The following NRXN3 variants were observed in gnomAD, a reference collection of about 807,000 sequenced individuals.
NRXN3 encodes neurexin III.
A neutral mutation model predicts 137.6 loss-of-function variants in NRXN3; 32 were observed. That is an observed-to-expected ratio of 0.23 (90% CI 0.18 to 0.31). NRXN3 has a LOEUF of 0.31. NRXN3 is among the 10% of genes least tolerant of loss of function. The pLI, the probability that NRXN3 is intolerant of heterozygous loss-of-function variation, is 1.00. For synonymous variants in NRXN3, 798 were observed against 784.5 expected, an observed-to-expected ratio of 1.02 and a Z score of -0.29; for missense variants, 1,574 against 2,062.5, an observed-to-expected ratio of 0.76 and a Z score of 4.59.
At chr14:79,272,781 CAT>C (rs1200168894) in intron 15 of NRXN3, among the ~76,000 whole-genome samples, 3 of 152,162 alleles carry the variant, frequency 2.0e-5, no homozygotes, top group East Asian at 1.9e-4. Flanking sequence ...TTATAAGAAA[CAT>C]GTGATGAAGT....
At chr14:79,780,081 C>A (rs2099109161) in intron 19 of NRXN3, among the ~76,000 whole-genome samples, 1 of 151,956 alleles carries the variant, frequency 6.6e-6, no homozygotes, top group Non-Finnish European at 1.5e-5. Context: ...ATAAGAGGAT[C>A]CACAATTCTA....
rs949417651 is a variant in NRXN3, at chr14:79,128,572, G to A, written c.3262+140431G>A. Among the ~76,000 whole-genome samples, 11 of 151,064 alleles carry A rather than the reference G, an allele frequency of 7.3e-5. No homozygotes were observed. The East Asian group carries it at 1.9e-3, about 27-fold the overall frequency. On this transcript the variant is annotated intron_variant, in intron 15 of 20. Transcript: ENST00000335750. ...AGCTTTTTGATGTGCTGCTGGATTC[G>A]GTTTGCCAGTATTTTATTGAGGATT...
At chr14:78,248,961 G>C (rs1337300936) in intron 2 of NRXN3, among the ~76,000 whole-genome samples, 1 of 152,184 alleles carries the variant, frequency 6.6e-6, no homozygotes, top group Non-Finnish European at 1.5e-5. Flanking sequence ...ATAGGGGTCT[G>C]ATTGCTCCTT....
chr14:78,820,613 T>C (rs938368784), intron 10 of NRXN3, among the ~76,000 whole-genome samples: 3 of 152,026 alleles, frequency 2.0e-5, no homozygotes, highest in Non-Finnish European at 4.4e-5. Flanking sequence ...GTTCAGAAAA[T>C]CATTGTCATC....
chr14:78,674,549 A>T (rs1345322198), intron 6 of NRXN3, among the ~76,000 whole-genome samples: 1 of 152,238 alleles, frequency 6.6e-6, no homozygotes, highest in East Asian at 1.9e-4. Flanking sequence ...GTGGGGAATA[A>T]CATTTCTTAC....
chr14:79,475,581 A>G (rs959890451), intron 16 of NRXN3, among the ~76,000 whole-genome samples: 1 of 152,110 alleles, frequency 6.6e-6, no homozygotes, highest in Non-Finnish European at 1.5e-5. Flanking sequence ...CGACAATTAC[A>G]AAAACAAGAA....
In NRXN3 at chr14:78,645,151, C is replaced by G. The variant is rs200404474; in HGVS notation, c.789C>G (p.Gly263=). 1 of 1,579,580 alleles carries G rather than the reference C, an allele frequency of 6.3e-7. No homozygotes were observed. The highest frequency in any genetic ancestry group is 8.5e-7 in the Non-Finnish European group (1 of 1,169,862). The part of the protein sequence containing the change: ...AREENVATFR[G]SEYLCYDLSQ... The stretch of plus-strand genomic sequence containing the variant: ...AGGAGAATGTGGCCACTTTCCGAGG[C>G]TCAGAGTATCTGTGCTACGACCTGT... The change falls in exon 5 of 21, where the codon GGC becomes GGG. Residue 263 remains glycine (G), a synonymous_variant. Coordinates refer to ENST00000335750, the MANE Select transcript of NRXN3 (RefSeq NM_001330195.2).
intron 19 of NRXN3, among the ~76,000 whole-genome samples, chr14:79,729,921 A>T (rs1359633392): frequency 6.6e-6 from 1 of 152,132 alleles, no homozygotes; most frequent in Admixed American, 6.6e-5. Flanking sequence ...CAAGCAAAAC[A>T]ATGGTATGAT....
intron 16 of NRXN3, among the ~76,000 whole-genome samples, chr14:79,514,918 A>G (rs1348769313): frequency 7.0e-6 from 1 of 142,034 alleles, no homozygotes; most frequent in African/African-American, 3.1e-5. Flanking sequence ...GCTAGGGTGC[A>G]GTAAGTTAAG....
chr14:79,376,579 AG>A (rs1187576081), intron 15 of NRXN3, among the ~76,000 whole-genome samples: 2 of 152,152 alleles, frequency 1.3e-5, no homozygotes, highest in Admixed American at 6.6e-5. Context: ...TTCCTGGCAT[AG>A]ATGATGTCAT....
At chr14:79,461,295 T>C (rs2153603584) in intron 15 of NRXN3, among the ~76,000 whole-genome samples, 1 of 152,324 alleles carries the variant, frequency 6.6e-6, no homozygotes, top group Admixed American at 6.5e-5. Context: ...TTAATCTCCT[T>C]GAGCATCAAT....
chr14:78,362,749 A>G (rs1482790272), intron 4 of NRXN3, among the ~76,000 whole-genome samples: 1 of 152,234 alleles, frequency 6.6e-6, no homozygotes, highest in Non-Finnish European at 1.5e-5. Flanking sequence ...CCCTAGGAAC[A>G]GTACACATGA....
intron 11 of NRXN3, among the ~76,000 whole-genome samples, chr14:78,961,851 C>T (rs988244503): frequency 2.0e-5 from 3 of 152,162 alleles, no homozygotes; most frequent in South Asian, 2.1e-4. Flanking sequence ...ATATGTCCTT[C>T]GTCACTCTAA....
intron 8 of NRXN3, among the ~76,000 whole-genome samples, chr14:78,796,094 G>T (rs533393125): frequency 1.1e-4 from 16 of 152,312 alleles, no homozygotes; most frequent in African/African-American, 3.8e-4. Flanking sequence ...CGGTATTATG[G>T]GTAGGCATAG....
intron 8 of NRXN3, 123 bp downstream of exon 8, chr14:78,715,262 T>C (rs967581015): frequency 1.6e-6 from 2 of 1,276,816 alleles, no homozygotes; most frequent in African/African-American, 3.0e-5. Context: ...AGTTTTTGGG[T>C]TTACTGATTT....
At chr14:78,416,620 C>T (rs914479153) in intron 4 of NRXN3, among the ~76,000 whole-genome samples, 8 of 152,110 alleles carry the variant, frequency 5.3e-5, no homozygotes, top group Non-Finnish European at 8.8e-5. Flanking sequence ...TGAAAGTGAC[C>T]GTATTGTATT....
intron 15 of NRXN3, among the ~76,000 whole-genome samples, chr14:79,133,532 A>G (rs1214842032): frequency 6.6e-6 from 1 of 152,142 alleles, no homozygotes; most frequent in Non-Finnish European, 1.5e-5. Context: ...CTTTGAAGAC[A>G]AGGGATATGT....
chr14:78,654,860 A>C (rs897344143), intron 6 of NRXN3, among the ~76,000 whole-genome samples: 13 of 152,180 alleles, frequency 8.5e-5, no homozygotes, highest in African/African-American at 3.1e-4. Flanking sequence ...TATCTTTCCT[A>C]AATGAATGCT....
In NRXN3 at chr14:78,243,606, C is replaced by T. The variant is rs757450227; in HGVS notation, c.513C>T (p.Gly171=). 1 of 1,598,444 alleles carries T rather than the reference C, an allele frequency of 6.3e-7. No homozygotes were observed. The stretch of plus-strand genomic sequence containing the variant: ...TTGATGGAGTTCAGGCCATGCCCGG[C>T]TTCAAGGGGTTAATTCTGGATCTCA... ...LTLDGVQAMP[G]FKGLILDLKY... Residue 171 remains glycine, a synonymous_variant, in exon 2 of 21, where the codon GGC becomes GGT. Transcript: ENST00000335750. This position sits in a 1 kb window ranked among gnomAD's most constrained non-coding sequence, Gnocchi z 4.2.
Sources: gnomAD v4.1 joint callset for allele counts (sites outside exome capture counted in the v4.1 genomes callset) on GRCh38, gnomAD v4.1.1 for gene constraint, Gnocchi (gnomAD v3.1) non-coding constraint, MANE v1.5 for transcripts, NCBI Gene and HGNC (gene_info 2026-07-23, HGNC 2026-07-21) for gene names.